Variants in ZNF579 observed in about 807,000 individuals in gnomAD.
ZNF579 encodes the protein zinc finger protein 579.
In ZNF579, 3 loss-of-function variants were observed where a neutral mutation model predicts 5.7. The observed-to-expected ratio is 0.53, with a 90% CI of 0.24 to 1.36. The LOEUF is 1.36. Ranked by LOEUF, ZNF579 falls within the 40% of genes most tolerant of loss-of-function variation. The pLI is 0.16. For synonymous variants in ZNF579, 454 were observed against 409.0 expected (o/e 1.11, Z -1.33); for missense variants, 679 against 877.6 (o/e 0.77, Z 2.86).
At position 55,579,518 on chromosome 19, in the gene ZNF579, C is replaced by T; in HGVS notation, c.122G>A (p.Arg41Lys). 1 of 1,420,892 alleles carries T rather than the reference C, an allele frequency of 7.0e-7. No individual in the cohort carries two copies. The highest frequency in any genetic ancestry group is 9.1e-7 in the Non-Finnish European group (1 of 1,094,014). The allele number at this position is 1,420,892 out of a possible 1,614,324, so 88.0% of individuals were successfully genotyped here. The change falls in exon 2 of 2, where the codon AGG (arginine) becomes AAG (lysine). Residue 41 changes from arginine to lysine, a missense_variant. Arg to Lys is a conservative substitution (Grantham distance 26). Transcript: ENST00000325421. ...GRGRGGAGAP[R>K]APLPCPTCGR... ...GCAGGTGGGGCAGGGCAGGGGCGCCCTAGGGGCTCCAGCGCCCCCCCTGCC... is the reference window on the plus strand; with the variant it reads ...GCAGGTGGGGCAGGGCAGGGGCGCCTTAGGGGCTCCAGCGCCCCCCCTGCC...
Position 55,578,153 on chromosome 19 carries a change from T to A in ZNF579, c.1487A>T (p.Glu496Val). 1 of 1,523,124 alleles carries A rather than the reference T, an allele frequency of 6.6e-7. No homozygotes were observed. The highest frequency in any genetic ancestry group is 8.8e-7 in the Non-Finnish European group (1 of 1,134,298). The allele number at this position is 1,523,124 out of a possible 1,614,324, so 94.4% of individuals were successfully genotyped here. A position where few individuals can be genotyped will look rare whatever the true frequency, so the allele number is the denominator to read the frequency against. The change falls in exon 2 of 2, where the codon GAG becomes GTG. Residue 496 changes from glutamate to valine, a missense_variant. Glu to Val is a moderately radical substitution (Grantham distance 121). Coordinates refer to ENST00000325421, the MANE Select transcript of ZNF579 (RefSeq NM_152600.3). ...GAGGGGCAGCGGGAGCCCTTCTTCC[T>A]CCTGCTCGGCCTTCAGGGGCGGCGG... ...PPPPPLKAEQ[E>V]EEGLPLPLAN...
chr19:55,578,197 C>G lies in ZNF579; in HGVS notation c.1443G>C (p.Pro481=). 6.7e-7 allele frequency: 1 copy of G among 1,484,910 alleles called. No individual in the cohort carries two copies. The highest frequency in any genetic ancestry group is 1.4e-5 in the South Asian group (1 of 73,330). The allele number at this position is 1,484,910 out of a possible 1,614,324, so 92.0% of individuals were successfully genotyped here. ...GCGGCGGGGGCGGTGGCGGCGACGTCGGGGCCTGGGCCTGCAGTGCCTGCA... is the reference window on the plus strand; with the variant it reads ...GCGGCGGGGGCGGTGGCGGCGACGTGGGGGCCTGGGCCTGCAGTGCCTGCA... ...AALQALQAQA[P]TSPPPPPPPL... Residue 481 remains proline, a synonymous_variant, in exon 2 of 2, where the codon CCG becomes CCC. Coordinates refer to ENST00000325421, the MANE Select transcript of ZNF579 (RefSeq NM_152600.3).
Position 55,579,550 on chromosome 19 carries a change from A to ACGGCCCCGACCACGGCCT in ZNF579, c.72_89dup (p.Arg30_Gly35dup). 1 of 1,479,408 alleles carries ACGGCCCCGACCACGGCCT rather than the reference A, an allele frequency of 6.8e-7. No homozygotes were observed. The highest frequency in any genetic ancestry group is 8.9e-7 in the Non-Finnish European group (1 of 1,120,702). 91.6% of individuals were successfully genotyped at this position (1,479,408 alleles called of 1,614,324 possible). On this transcript the variant is annotated inframe_insertion, in exon 2 of 2. Coordinates refer to ENST00000325421, the MANE Select transcript of ZNF579 (RefSeq NM_152600.3). ...CTCCAGCGCCCCCCCTGCCACGGCC[A>ACGGCCCCGACCACGGCCT]CGGCCCCGACCACGGCCTCGGCCAC...
At chr19:55,580,625 G>A (rs1263782005) in intron 1 of ZNF579, among the ~76,000 whole-genome samples, 170 bp downstream of exon 1, 1 of 151,610 alleles carries the variant, frequency 6.6e-6, no homozygotes, top group Non-Finnish European at 1.5e-5. Flanking sequence ...CGGGAGGGAG[G>A]CTGGTGGGGG....
Position 55,577,809 on chromosome 19 carries a change from A to G in ZNF579, c.*142T>C. The G allele has an allele frequency of 7.0e-7, 1 of 1,419,448 alleles. No individual in the cohort carries two copies. The highest frequency in any genetic ancestry group is 2.5e-5 in the East Asian group (1 of 40,016). The allele number at this position is 1,419,448 out of a possible 1,614,324, so 87.9% of individuals were successfully genotyped here. On this transcript the variant is annotated 3_prime_UTR_variant, in exon 2 of 2. Transcript: ENST00000325421. Reference sequence around the variant, plus strand: ...GGCGGGCGATGGGGGAGGAAGGGGCAGTCCAGGGCCCCCCACTCCTTAGTG... The same window carrying G: ...GGCGGGCGATGGGGGAGGAAGGGGCGGTCCAGGGCCCCCCACTCCTTAGTG...
At chr19:55,579,717 G>A (rs937694143) in intron 1 of ZNF579, 76 bp from the exon 2 acceptor site, 7 of 1,325,788 alleles carry the variant, frequency 5.3e-6, no homozygotes, top group Non-Finnish European at 6.7e-6. Context: ...AGAAAGAGAA[G>A]CAGAGACAGT....
chr19:55,577,787 G>T lies in ZNF579; in HGVS notation c.*164C>A. The T allele has an allele frequency of 7.7e-7, 1 of 1,306,076 alleles. No individual in the cohort carries two copies. The highest frequency in any genetic ancestry group is 1.0e-6 in the Non-Finnish European group (1 of 979,772). 80.9% of individuals were successfully genotyped at this position (1,306,076 alleles called of 1,614,324 possible). ...AACCAGCATCAGGGGTTCTGGGGGC[G>T]GGCGATGGGGGAGGAAGGGGCAGTC... On this transcript the variant is annotated 3_prime_UTR_variant, in exon 2 of 2. Transcript: ENST00000325421.
intron 1 of ZNF579, 166 bp from the exon 2 acceptor site, chr19:55,579,807 G>A (rs898950778): frequency 1.9e-5 from 13 of 694,442 alleles, no homozygotes; most frequent in Admixed American, 4.3e-5. Flanking sequence ...GAGACACCGA[G>A]GGGAGGCCAG....
rs1237948810 is a variant in ZNF579 at position 55,578,844 on chromosome 19, G to A, written c.796C>T (p.Arg266Cys). ...EQEGEGGPPP[R>C]PKRHQCSICL... ...ATGGAGCACTGGTGTCGCTTGGGGC[G>A]TGGCGGGGGCCCCCCTTCCCCTTCC... The change falls in exon 2 of 2, where the codon CGC (arginine) becomes TGC (cysteine). Residue 266 changes from arginine to cysteine, a missense_variant. Arg to Cys is a radical substitution (Grantham distance 180, BLOSUM62 -3). Coordinates refer to ENST00000325421, the MANE Select transcript of ZNF579 (RefSeq NM_152600.3). The A allele has an allele frequency of 2.5e-6, 4 of 1,600,230 alleles. No individual in the cohort carries two copies. Among genetic ancestry groups the A allele is most frequent in the Admixed American group, 1.7e-5 (1 of 58,880 alleles).
rs1568507944 is a variant in ZNF579, at chr19:55,577,881, T to G, written c.*70A>C. 2.9e-5 allele frequency: 44 copies of G among 1,535,186 alleles called. No individual in the cohort carries two copies. The highest frequency in any genetic ancestry group is 3.8e-5 in the Non-Finnish European group (43 of 1,144,104). On this transcript the variant is annotated 3_prime_UTR_variant, in exon 2 of 2. Transcript: ENST00000325421. ...GTGGGTAGACAGAGGAGGTGGCTCC[T>G]TCAACTTCCCTCCTCCATTCTGCAA...
chr19:55,579,562 ACGGCCTCGGCCACGGCCC>A lies in ZNF579; in HGVS notation c.60_77del (p.Arg30_Gly35del), dbSNP rs1014793687. On this transcript the variant is annotated inframe_deletion, in exon 2 of 2. Coordinates refer to ENST00000325421, the MANE Select transcript of ZNF579 (RefSeq NM_152600.3). The stretch of plus-strand genomic sequence containing the variant: ...CCCTGCCACGGCCACGGCCCCGACC[ACGGCCTCGGCCACGGCCC>A]CGGCCTCGGCCACGGTGAGGTGGGC... 33 of 1,490,484 alleles carry A rather than the reference ACGGCCTCGGCCACGGCCC, an allele frequency of 2.2e-5. No homozygotes were observed. Among genetic ancestry groups the A allele is most frequent in the African/African-American group, 1.8e-4 (12 of 68,098 alleles). 92.3% of individuals were successfully genotyped at this position (1,490,484 alleles called of 1,614,324 possible).
chr19:55,578,241 G>C lies in ZNF579; in HGVS notation c.1399C>G (p.Leu467Val), dbSNP rs1481237750. The C allele has an allele frequency of 2.7e-5, 38 of 1,416,136 alleles. No homozygotes were observed. The highest frequency in any genetic ancestry group is 3.5e-5 in the Non-Finnish European group (38 of 1,094,348). The allele number at this position is 1,416,136 out of a possible 1,614,324, so 87.7% of individuals were successfully genotyped here. ...GCCTGCAGCGCGGCGGCCCTCTCCAGCTCTGCGCGGTGGCAGCGCTGGTGG... is the reference window on the plus strand; with the variant it reads ...GCCTGCAGCGCGGCGGCCCTCTCCACCTCTGCGCGGTGGCAGCGCTGGTGG... ...LRHQRCHRAE[L>V]ERAAALQALQ... Residue 467 changes from leucine (L) to valine (V), a missense_variant, in exon 2 of 2, where the codon CTG becomes GTG. Leu to Val is a conservative substitution (Grantham distance 32, BLOSUM62 1). Around this residue, in one of 6 missense-constraint regions of ZNF579, gnomAD observed 68 missense variants for 154.2 expected, o/e 0.44. Transcript: ENST00000325421.
chr19:55,578,769 C>T lies in ZNF579; in HGVS notation c.871G>A (p.Val291Ile). 1 of 1,602,304 alleles carries T rather than the reference C, an allele frequency of 6.2e-7. No homozygotes were observed. Among genetic ancestry groups the T allele is most frequent in the Admixed American group, 1.7e-5 (1 of 59,156 alleles). ...ACGAAAGGGCGGTCGGTGGAGTGGA[C>T]CAGCCGGTGGCGCGACAGGGACCAG... is the stretch of plus-strand genomic sequence containing the variant. The part of the protein sequence containing the change: ...RPWSLSRHRL[V>I]HSTDRPFVCP... The change falls in exon 2 of 2, where the codon GTC becomes ATC. Residue 291 changes from valine (V) to isoleucine (I), a missense_variant. Val to Ile is a conservative substitution (Grantham distance 29). Coordinates refer to ENST00000325421, the MANE Select transcript of ZNF579 (RefSeq NM_152600.3).
In ZNF579 at chr19:55,576,841, G is replaced by T. The variant is rs1372332926; in HGVS notation, c.*1110C>A. 6.6e-6 allele frequency: 1 copy of T among 151,962 alleles called. No individual in the cohort carries two copies. The highest frequency in any genetic ancestry group is 2.4e-5 in the African/African-American group (1 of 41,304). The allele number at this position is 151,962 out of a possible 1,614,324, so 9.4% of individuals were successfully genotyped here. ...ACATTTCCATATTCTAAATTTAAAC[G>T]GAAATAGCCACGTGTGTCTGCTGGA... On this transcript the variant is annotated 3_prime_UTR_variant, in exon 2 of 2. Coordinates refer to ENST00000325421, the MANE Select transcript of ZNF579 (RefSeq NM_152600.3).
At position 55,579,587 on chromosome 19, in the gene ZNF579, C is replaced by T; in HGVS notation, c.53G>A (p.Arg18Gln). The T allele has an allele frequency of 2.0e-6, 3 of 1,494,616 alleles. No homozygotes were observed. Among genetic ancestry groups the T allele is most frequent in the South Asian group, 1.2e-5 (1 of 80,450 alleles). The allele number at this position is 1,494,616 out of a possible 1,614,324, so 92.6% of individuals were successfully genotyped here. A position where few individuals can be genotyped will look rare whatever the true frequency, so the allele number is the denominator to read the frequency against. The change falls in exon 2 of 2, where the codon CGA becomes CAA. Residue 18 changes from arginine (R) to glutamine (Q), a missense_variant. Coordinates refer to ENST00000325421, the MANE Select transcript of ZNF579 (RefSeq NM_152600.3). ...ACGGCCTCGGCCACGGCCCCGGCCT[C>T]GGCCACGGTGAGGTGGGCTGCCCTG... Reference protein sequence around the residue: ...PAQGSPPHRGRGRGRGRGRGR... With the variant: ...PAQGSPPHRGQGRGRGRGRGR...
chr19:55,579,816 A>G, intron 1 of ZNF579, 175 bp from the exon 2 acceptor site: 1 of 598,620 alleles, frequency 1.7e-6, no homozygotes, highest in Non-Finnish European at 2.5e-6. Flanking sequence ...AGGGGAGGCC[A>G]GAGATGGAGA....
At chr19:55,580,691 T>A (rs1280793777) in intron 1 of ZNF579, 104 bp downstream of exon 1, 1 of 152,206 alleles carries the variant, frequency 6.6e-6, no homozygotes, top group Non-Finnish European at 1.5e-5. Flanking sequence ...AGCCTGCAGC[T>A]CCCCGAAGGC....
Position 55,577,853 on chromosome 19 carries a change from C to T in ZNF579, c.*98G>A, listed in dbSNP as rs1053817. ...CTTAGTGTCAAGGGCGTGAAGGGGA[C>T]GGGTGGGTAGACAGAGGAGGTGGCT... On this transcript the variant is annotated 3_prime_UTR_variant, in exon 2 of 2. Coordinates refer to ENST00000325421, the MANE Select transcript of ZNF579 (RefSeq NM_152600.3). 132,026 of 1,510,746 alleles carry T rather than the reference C, an allele frequency of 0.087. 6,524 individuals carry two copies. The highest frequency in any genetic ancestry group is 0.1 in the Non-Finnish European group (116,838 of 1,134,592). 93.6% of individuals were successfully genotyped at this position (1,510,746 alleles called of 1,614,324 possible).
In ZNF579 at chr19:55,578,590, C is replaced by T. The variant is rs1166304333; in HGVS notation, c.1050G>A (p.Glu350=). 4 of 1,500,196 alleles carry T rather than the reference C, an allele frequency of 2.7e-6. No homozygotes were observed. The highest frequency in any genetic ancestry group is 3.5e-6 in the Non-Finnish European group (4 of 1,136,212). The allele number at this position is 1,500,196 out of a possible 1,614,324, so 92.9% of individuals were successfully genotyped here. A position where few individuals can be genotyped will look rare whatever the true frequency, so the allele number is the denominator to read the frequency against. The part of the protein sequence containing the change: ...SGARNSAKGP[E]GGEGAECGGA... ...CCCCGCACTCCGCCCCCTCGCCCCCCTCCGGCCCCTTGGCTGAGTTCCGTG... is the reference window on the plus strand; with the variant it reads ...CCCCGCACTCCGCCCCCTCGCCCCCTTCCGGCCCCTTGGCTGAGTTCCGTG... The change falls in exon 2 of 2, where the codon GAG becomes GAA. Residue 350 remains glutamate, a synonymous_variant. Transcript: ENST00000325421.
Sources: allele counts gnomAD v4.1 joint callset (sites outside exome capture counted in the v4.1 genomes callset), GRCh38; gene constraint gnomAD v4.1.1; regional missense constraint gnomAD v4.1.1; transcripts MANE v1.5; gene names NCBI Gene and HGNC (gene_info 2026-07-23, HGNC 2026-07-21).